The following OLFM2 variants were observed in gnomAD, a reference collection of about 807,000 sequenced individuals.
OLFM2 encodes olfactomedin 2.
In OLFM2, 20 loss-of-function variants were observed where a neutral mutation model predicts 43.9. The observed-to-expected ratio is 0.46, with a 90% CI of 0.32 to 0.66. The LOEUF is 0.66. OLFM2 is among the 30% of genes least tolerant of loss of function. OLFM2 has a pLI of 0.04. For missense variants in OLFM2, 416 were observed against 643.6 expected (o/e 0.65, Z 3.83); for synonymous variants, 268 against 278.6 (o/e 0.96, Z 0.38).
At chr19:9,920,092 C>T (rs376920317) in intron 1 of OLFM2, among the ~76,000 whole-genome samples, 1 of 152,086 alleles carries the variant, frequency 6.6e-6, no homozygotes, top group East Asian at 1.9e-4. Flanking sequence ...CTGTAAGCCA[C>T]CACACCTGGC....
rs980884400 is a variant in OLFM2 at position 9,857,572 on chromosome 19, T to C, written c.361-90A>G. Reference sequence around the variant, plus strand: ...ACCTCTGACTCATAACTTCACCCTTTGTCTTTGATGCACACCTGGCCCTTG... The same window carrying C: ...ACCTCTGACTCATAACTTCACCCTTCGTCTTTGATGCACACCTGGCCCTTG... On this transcript the variant is annotated intron_variant, in intron 3 of 5. Coordinates refer to ENST00000264833, the MANE Select transcript of OLFM2 (RefSeq NM_058164.4). The surrounding 1 kb of genome is among the most constrained non-coding windows in gnomAD (Gnocchi z 5.7). 1.9e-5 allele frequency: 30 copies of C among 1,556,720 alleles called. No individual in the cohort carries two copies. Among genetic ancestry groups the C allele is most frequent in the Non-Finnish European group, 2.6e-5 (29 of 1,136,548 alleles).
chr19:9,901,179 A>G (rs1568380683), intron 1 of OLFM2, among the ~76,000 whole-genome samples: 1 of 148,678 alleles, frequency 6.7e-6, no homozygotes, highest in African/African-American at 2.5e-5. Context: ...AGGAAGGAAA[A>G]GAAAGAAGGA....
intron 1 of OLFM2, among the ~76,000 whole-genome samples, chr19:9,928,586 C>A (rs1436460211): frequency 6.6e-6 from 1 of 152,096 alleles, no homozygotes; most frequent in Non-Finnish European, 1.5e-5. Context: ...GGGTGGATCA[C>A]TTGAGGCCAG....
At chr19:9,859,380 C>T (rs569777528) in intron 2 of OLFM2, among the ~76,000 whole-genome samples, 4 of 151,932 alleles carry the variant, frequency 2.6e-5, no homozygotes, top group Non-Finnish European at 5.9e-5. Flanking sequence ...GCAGTGGTGC[C>T]ATCTCAGCTC....
intron 1 of OLFM2, among the ~76,000 whole-genome samples, chr19:9,936,050 T>C (rs1019458753): frequency 1.5e-4 from 22 of 150,034 alleles, no homozygotes; most frequent in Non-Finnish European, 2.8e-4. Flanking sequence ...CTCGGGGCCA[T>C]GGAGGGGTTG....
At chr19:9,858,930 G>A (rs939835524) in intron 2 of OLFM2, among the ~76,000 whole-genome samples, 5 of 151,530 alleles carry the variant, frequency 3.3e-5, no homozygotes, top group Non-Finnish European at 7.4e-5. Context: ...TGAACACCTG[G>A]CTAAGGTAGA....
intron 1 of OLFM2, among the ~76,000 whole-genome samples, chr19:9,923,322 A>T (rs1042299838): frequency 1.3e-5 from 2 of 152,056 alleles, no homozygotes; most frequent in African/African-American, 4.8e-5. Flanking sequence ...TGGGATGCCA[A>T]GGTGGGCAGA....
intron 1 of OLFM2, among the ~76,000 whole-genome samples, chr19:9,932,751 G>A (rs1173069243): frequency 6.6e-6 from 1 of 152,176 alleles, no homozygotes; most frequent in African/African-American, 2.4e-5. Context: ...TGCCAACGAT[G>A]TAGCTAGATC....
intron 1 of OLFM2, among the ~76,000 whole-genome samples, chr19:9,907,449 G>T (rs1453807401): frequency 6.6e-6 from 1 of 152,072 alleles, no homozygotes; most frequent in Non-Finnish European, 1.5e-5. Flanking sequence ...GTGAGAGCGA[G>T]ATTCTATCTC....
chr19:9,931,722 A>AAG (rs1555729845), intron 1 of OLFM2, among the ~76,000 whole-genome samples: 6 of 151,676 alleles, frequency 4.0e-5, no homozygotes, highest in African/African-American at 1.2e-4. Context: ...AATAAAAAAA[A>AAG]AAAAAGAAAT....
chr19:9,902,315 A>G, intron 1 of OLFM2, among the ~76,000 whole-genome samples: 1 of 151,238 alleles, frequency 6.6e-6, no homozygotes, highest in Non-Finnish European at 1.5e-5. Context: ...GGCGTGAGCC[A>G]CTGCGCCCAG....
At chr19:9,872,177 A>G (rs1042727950) in intron 1 of OLFM2, among the ~76,000 whole-genome samples, 2 of 152,166 alleles carry the variant, frequency 1.3e-5, no homozygotes, top group Admixed American at 6.6e-5. Flanking sequence ...ACCTTGAGGT[A>G]TTGGGCAAAT....
chr19:9,907,014 G>A (rs1336978502), intron 1 of OLFM2, among the ~76,000 whole-genome samples: 3 of 152,156 alleles, frequency 2.0e-5, no homozygotes, highest in Non-Finnish European at 2.9e-5. Context: ...GGCAGCCGGG[G>A]AGGGGGAATG....
intron 1 of OLFM2, among the ~76,000 whole-genome samples, chr19:9,890,161 C>G (rs1489891252): frequency 6.6e-6 from 1 of 152,126 alleles, no homozygotes; most frequent in African/African-American, 2.4e-5. Context: ...AGGCGCTGGG[C>G]TGGTGGAGAC....
chr19:9,897,056 T>C (rs1033594315), intron 1 of OLFM2, among the ~76,000 whole-genome samples: 4 of 152,058 alleles, frequency 2.6e-5, no homozygotes, highest in East Asian at 3.9e-4. Flanking sequence ...GGGCCAGATG[T>C]GGTGGCTCAC....
In OLFM2 at chr19:9,900,988, A is replaced by AAGGGAGGG. The variant is rs1555727272; in HGVS notation, c.63+35308_63+35315dup. Among the ~76,000 whole-genome samples the AAGGGAGGG allele has an allele frequency of 5.1e-3, 146 of 28,374 alleles. 5 individuals are homozygous for AAGGGAGGG. Among genetic ancestry groups the AAGGGAGGG allele is most frequent in the African/African-American group, 0.01 (26 of 2,558 alleles). The allele number at this position is 28,374 out of a possible 152,430, so 18.6% of individuals were successfully genotyped here. Reference sequence around the variant, plus strand: ...GAAGGAAGGAAGGAAGGAAGGAAGGAAGGGAGGGAGGGGGGAGGGAGGGAA... The same window carrying AAGGGAGGG: ...GAAGGAAGGAAGGAAGGAAGGAAGGAAGGGAGGGAGGGAGGGAGGGGGGAGGGAGGGAA... On this transcript the variant is annotated intron_variant, in intron 1 of 5. Transcript: ENST00000264833.
At chr19:9,898,039 G>A (rs1242379768) in intron 1 of OLFM2, among the ~76,000 whole-genome samples, 4 of 150,700 alleles carry the variant, frequency 2.7e-5, no homozygotes, top group Non-Finnish European at 5.9e-5. Context: ...CAAGTAGCTG[G>A]GACTATAGAT....
intron 1 of OLFM2, among the ~76,000 whole-genome samples, chr19:9,867,505 C>A (rs539255472): frequency 6.6e-6 from 1 of 152,286 alleles, no homozygotes; most frequent in South Asian, 2.1e-4. Flanking sequence ...AGAGCAAGCG[C>A]CTGCCTCTTA....
chr19:9,858,468 T>C (rs1417246807), intron 2 of OLFM2, among the ~76,000 whole-genome samples: 1 of 152,164 alleles, frequency 6.6e-6, no homozygotes, highest in African/African-American at 2.4e-5. Flanking sequence ...GGTCATTTCC[T>C]TCCCAGCTGT....
Sources: gnomAD v4.1 joint callset for allele counts (sites outside exome capture counted in the v4.1 genomes callset) on GRCh38, gnomAD v4.1.1 for gene constraint, Gnocchi (gnomAD v3.1) non-coding constraint, MANE v1.5 for transcripts, NCBI Gene and HGNC (gene_info 2026-07-23, HGNC 2026-07-21) for gene names.